Variants in ITGB8 observed in about 807,000 individuals in gnomAD.
ITGB8 encodes the protein integrin subunit beta 8, also known as integrin beta-8.
A neutral mutation model predicts 89.5 loss-of-function variants in ITGB8; 30 were observed. That is an observed-to-expected ratio of 0.34 (90% CI 0.25 to 0.45). ITGB8 has a LOEUF of 0.45. Among genes scored for constraint, ITGB8 ranks in the 20% least tolerant of loss-of-function variants. ITGB8 has a pLI of 1.00. For synonymous variants in ITGB8, 335 were observed against 320.4 expected (o/e 1.05, Z -0.49); for missense variants, 836 against 933.3 (o/e 0.90, Z 1.36).
At chr7:20,352,895 T>C (rs1386244998) in intron 1 of ITGB8, 1 of 152,184 alleles carries the variant, frequency 6.6e-6, no homozygotes, top group Non-Finnish European at 1.5e-5. Flanking sequence ...AGTCACCCCA[T>C]GTGTGCAGCA....
chr7:20,343,475 T>A (rs1245072878), intron 1 of ITGB8, among the ~76,000 whole-genome samples: 1 of 152,198 alleles, frequency 6.6e-6, no homozygotes. Flanking sequence ...AGTTCTGTCT[T>A]ATGTCAGGTT....
chr7:20,388,628 A>C (rs1399831087), intron 6 of ITGB8, among the ~76,000 whole-genome samples: 1 of 151,950 alleles, frequency 6.6e-6, no homozygotes, highest in Admixed American at 6.6e-5. Flanking sequence ...AAATTCGACT[A>C]ATCTTTTTTT....
chr7:20,344,279 A>G (rs1191735183), intron 1 of ITGB8, among the ~76,000 whole-genome samples: 1 of 133,698 alleles, frequency 7.5e-6, no homozygotes, highest in Admixed American at 8.2e-5. Context: ...ATTGATACTT[A>G]GTTTTAATTT....
In ITGB8 at chr7:20,411,963, A is replaced by G. The variant is rs1276333048; in HGVS notation, c.*1966A>G. The G allele has an allele frequency of 1.3e-5, 2 of 152,628 alleles. No homozygotes were observed. The highest frequency in any genetic ancestry group is 4.8e-5 in the African/African-American group (2 of 41,450). 9.5% of individuals were successfully genotyped at this position (152,628 alleles called of 1,614,324 possible). A position where few individuals can be genotyped will look rare whatever the true frequency, so the allele number is the denominator to read the frequency against. On this transcript the variant is annotated 3_prime_UTR_variant, in exon 14 of 14. Coordinates refer to ENST00000222573, the MANE Select transcript of ITGB8 (RefSeq NM_002214.3). ...TGATTTTATTGGCTAGGAGTCTAAC[A>G]GTCCTGTGTGGATATACAGTTTTGC... is the stretch of plus-strand genomic sequence containing the variant.
chr7:20,338,341 T>TG (rs1784641821), intron 1 of ITGB8, among the ~76,000 whole-genome samples: 2 of 152,118 alleles, frequency 1.3e-5, no homozygotes, highest in Non-Finnish European at 2.9e-5. Context: ...TAAATATTAC[T>TG]GGGGGCCGGT....
chr7:20,363,747 T>C lies in ITGB8; in HGVS notation c.213+25T>C, dbSNP rs753802739. On this transcript the variant is annotated intron_variant, in intron 2 of 13. Coordinates refer to ENST00000222573, the MANE Select transcript of ITGB8 (RefSeq NM_002214.3). ...GGTGTGCCATTTTTTTTTTTCTTTT[T>C]CTCATGGTTGACTTGAGCTATAGCA... 4.8e-6 allele frequency: 7 copies of C among 1,455,094 alleles called. No homozygotes were observed. The Admixed American group carries it at 8.7e-5, about 18-fold the overall frequency. 90.1% of individuals were successfully genotyped at this position (1,455,094 alleles called of 1,614,324 possible).
intron 1 of ITGB8, among the ~76,000 whole-genome samples, chr7:20,347,983 A>G (rs1337588853): frequency 6.6e-6 from 1 of 152,186 alleles, no homozygotes; most frequent in Non-Finnish European, 1.5e-5. Flanking sequence ...AAGAAATATT[A>G]TTTGCCTTTG....
At position 20,362,390 on chromosome 7, in the gene ITGB8, T is replaced by C. The variant is rs1051723517; in HGVS notation, c.128-1247T>C. 3.3e-5 allele frequency among the ~76,000 whole-genome samples: 5 copies of C among 152,174 alleles called. No homozygotes were observed. In the South Asian group the frequency reaches 8.3e-4, roughly 25 times the overall value. On this transcript the variant is annotated intron_variant, in intron 1 of 13. Transcript: ENST00000222573. The stretch of plus-strand genomic sequence containing the variant: ...CATGCACACAGTTTTCTTTTATATG[T>C]AATACATTTTTTAAAGGGATGAACT...
At chr7:20,384,594 C>A (rs1654675866) in intron 6 of ITGB8, among the ~76,000 whole-genome samples, 1 of 152,142 alleles carries the variant, frequency 6.6e-6, no homozygotes, top group Non-Finnish European at 1.5e-5. Flanking sequence ...AAGTAAGTTG[C>A]CTGAGAATAA....
In ITGB8 at chr7:20,415,095, A is replaced by G. The variant is rs533974243; in HGVS notation, c.*5098A>G. On this transcript the variant is annotated 3_prime_UTR_variant, in exon 14 of 14. Transcript: ENST00000222573. ...AGATAAATGTGAAATTTTGATAAGA[A>G]GTCTACGCAATGACAAGTATGGTAC... The G allele has an allele frequency of 2.4e-4, 36 of 152,696 alleles. No individual in the cohort carries two copies. Among genetic ancestry groups the G allele is most frequent in the African/African-American group, 8.4e-4 (35 of 41,576 alleles). The allele number at this position is 152,696 out of a possible 1,614,324, so 9.5% of individuals were successfully genotyped here.
rs746553929 is a variant in ITGB8 at position 20,404,887 on chromosome 7, A to C, written c.1913+34A>C. ...TCTTTGACTCCAAACATACACAAAG[A>C]ATAGCTACTTTTGTCCTTTTTCGTT... On this transcript the variant is annotated intron_variant, in intron 11 of 13. Transcript: ENST00000222573. The C allele has an allele frequency of 3.2e-6, 5 of 1,584,608 alleles. No homozygotes were observed. The South Asian group carries it at 3.3e-5, about 11-fold the overall frequency.
intron 1 of ITGB8, 63 bp from the exon 2 acceptor site, chr7:20,363,574 T>A: frequency 1.0e-6 from 1 of 963,660 alleles, no homozygotes; most frequent in Non-Finnish European, 1.5e-6. Context: ...TTCATTTTAG[T>A]CTAGAATTAT....
intron 3 of ITGB8, among the ~76,000 whole-genome samples, chr7:20,374,020 A>G (rs1324118957): frequency 1.3e-5 from 2 of 152,196 alleles, no homozygotes; most frequent in African/African-American, 4.8e-5. Context: ...TAATTCTGCC[A>G]CAGACTCACT....
chr7:20,393,798 A>C (rs546526238), intron 7 of ITGB8, among the ~76,000 whole-genome samples: 2 of 152,266 alleles, frequency 1.3e-5, no homozygotes, highest in African/African-American at 4.8e-5. Flanking sequence ...ACTCTTACTC[A>C]TACTTTAAGG....
chr7:20,348,580 G>GC (rs919101452), intron 1 of ITGB8, among the ~76,000 whole-genome samples: 4 of 152,132 alleles, frequency 2.6e-5, no homozygotes, highest in Non-Finnish European at 4.4e-5. Context: ...GCAGCTCCTG[G>GC]CCCCAGAGAT....
intron 1 of ITGB8, chr7:20,346,518 C>T (rs1340950433): frequency 1.9e-5 from 3 of 158,030 alleles, no homozygotes; most frequent in African/African-American, 7.2e-5. Context: ...TTTGGGATCT[C>T]AAGGTAGATA....
rs535230547 is a variant in ITGB8 at position 20,393,896 on chromosome 7, G to C, written c.1057-1000G>C. Reference sequence around the variant, plus strand: ...GCTGGCCAGGTATCCCTTTCATTAGGGTCTGTGCACATCTCTATTGTTTCA... The same window carrying C: ...GCTGGCCAGGTATCCCTTTCATTAGCGTCTGTGCACATCTCTATTGTTTCA... On this transcript the variant is annotated intron_variant, in intron 7 of 13. Coordinates refer to ENST00000222573, the MANE Select transcript of ITGB8 (RefSeq NM_002214.3). 5.3e-5 allele frequency among the ~76,000 whole-genome samples: 8 copies of C among 152,206 alleles called. No homozygotes were observed. The East Asian group carries it at 1.4e-3, about 26-fold the overall frequency.
intron 1 of ITGB8, among the ~76,000 whole-genome samples, chr7:20,347,270 A>C (rs1056988093): frequency 2.7e-4 from 41 of 152,208 alleles, no homozygotes; most frequent in African/African-American, 9.4e-4. Context: ...TGGTGGAAAT[A>C]ATTCCAGGCG....
chr7:20,348,855 T>G (rs987445338), intron 1 of ITGB8, among the ~76,000 whole-genome samples: 30 of 152,174 alleles, frequency 2.0e-4, no homozygotes, highest in Non-Finnish European at 4.0e-4. Flanking sequence ...GTTGGAACAT[T>G]TCCCCAAGGA....
Sources: gnomAD v4.1 joint callset for allele counts (sites outside exome capture counted in the v4.1 genomes callset) on GRCh38, gnomAD v4.1.1 for gene constraint, MANE v1.5 for transcripts, NCBI Gene and HGNC (gene_info 2026-07-23, HGNC 2026-07-21) for gene names.